Variants in PCDH9 observed in about 807,000 individuals in gnomAD.
The protein encoded by PCDH9 is protocadherin-9.
A neutral mutation model predicts 70.6 loss-of-function variants in PCDH9; 24 were observed. The ratio of observed to expected loss-of-function variants is 0.34; its 90% CI spans 0.25 to 0.48. The LOEUF (loss-of-function observed/expected upper bound fraction) is 0.48. PCDH9 is among the 20% of genes least tolerant of loss of function. The pLI, the probability that PCDH9 is intolerant of heterozygous loss-of-function variation, is 0.99. For missense variants in PCDH9, 1,281 were observed against 1,503.6 expected (o/e 0.85, Z 2.45); for synonymous variants, 562 against 558.5 (o/e 1.01, Z -0.09).
chr13:66,989,130 AACC>A (rs2083950941), intron 2 of PCDH9, among the ~76,000 whole-genome samples: 1 of 151,952 alleles, frequency 6.6e-6, no homozygotes, highest in South Asian at 2.1e-4. Context: ...CTCCATTCCC[AACC>A]ATGGTGAATA....
At chr13:66,952,566 C>A (rs2139705201) in intron 2 of PCDH9, among the ~76,000 whole-genome samples, 1 of 152,190 alleles carries the variant, frequency 6.6e-6, no homozygotes, top group East Asian at 1.9e-4. Flanking sequence ...CAGACAATTG[C>A]AAAGTATTAA....
intron 3 of PCDH9, among the ~76,000 whole-genome samples, chr13:66,789,955 T>C (rs2080138338): frequency 6.6e-6 from 1 of 152,152 alleles, no homozygotes; most frequent in Admixed American, 6.6e-5. Context: ...ACCAATATTG[T>C]TGTCAACCAA....
chr13:67,059,247 T>G (rs1328749428), intron 2 of PCDH9, among the ~76,000 whole-genome samples: 2 of 151,324 alleles, frequency 1.3e-5, no homozygotes, highest in East Asian at 1.9e-4. Flanking sequence ...GCTAGCATTA[T>G]TCTAGATGCT....
chr13:67,127,672 A>ATGTG (rs1312216109), intron 2 of PCDH9, among the ~76,000 whole-genome samples: 21 of 76,922 alleles, frequency 2.7e-4, no homozygotes, highest in African/African-American at 1.0e-3. Context: ...TCATATATAT[A>ATGTG]TATATGTGTG....
intron 2 of PCDH9, chr13:67,222,785 G>A (rs577251910): frequency 6.6e-6 from 1 of 152,112 alleles, no homozygotes; most frequent in East Asian, 1.9e-4. Flanking sequence ...TTATATAAAA[G>A]CCACTAGTTA....
intron 4 of PCDH9, among the ~76,000 whole-genome samples, chr13:66,505,006 C>G (rs1390583597): frequency 6.6e-6 from 1 of 152,122 alleles, no homozygotes; most frequent in Non-Finnish European, 1.5e-5. Context: ...GCTACACATC[C>G]TACACCTTTT....
At chr13:67,040,148 A>T (rs575356881) in intron 2 of PCDH9, among the ~76,000 whole-genome samples, 2 of 152,344 alleles carry the variant, frequency 1.3e-5, no homozygotes, top group African/African-American at 4.8e-5. Context: ...GCTATTTCAT[A>T]ATCAGTGGCC....
chr13:66,684,183 C>A (rs139998261), intron 3 of PCDH9, among the ~76,000 whole-genome samples: 3 of 152,246 alleles, frequency 2.0e-5, no homozygotes, highest in Non-Finnish European at 4.4e-5. Context: ...ACAGTTTAGT[C>A]TAGTTTTATA....
At chr13:67,059,879 T>G (rs1318978296) in intron 2 of PCDH9, among the ~76,000 whole-genome samples, 2 of 40,908 alleles carry the variant, frequency 4.9e-5, no homozygotes, top group Admixed American at 4.9e-4. Context: ...TTTTTTGTTT[T>G]TTGTTGTTTT....
intron 4 of PCDH9, among the ~76,000 whole-genome samples, chr13:66,357,377 G>C (rs2138185747): frequency 6.6e-6 from 1 of 152,172 alleles, no homozygotes; most frequent in Non-Finnish European, 1.5e-5. Context: ...GGTAACATCA[G>C]GGAGAAAATC....
intron 2 of PCDH9, among the ~76,000 whole-genome samples, chr13:67,099,797 C>T (rs939543980): frequency 6.6e-6 from 1 of 152,164 alleles, no homozygotes; most frequent in Non-Finnish European, 1.5e-5. Flanking sequence ...ATAATAACTT[C>T]GAAATAACTT....
Position 67,022,568 on chromosome 13 carries a change from T to C in PCDH9, c.3037-118963A>G, listed in dbSNP as rs527668533. On this transcript the variant is annotated intron_variant, in intron 2 of 4. Transcript: ENST00000377865. ...TTTAGCCAGGAACTATTCAATACTT[T>C]CACAAGTACCTGTTTAACTCAGCCC... is the stretch of plus-strand genomic sequence containing the variant. 2.8e-4 allele frequency among the ~76,000 whole-genome samples: 42 copies of C among 152,348 alleles called. 1 individual carries two copies. The South Asian group carries it at 8.3e-3, about 30-fold the overall frequency.
chr13:66,923,279 T>C (rs2082666218), intron 2 of PCDH9, among the ~76,000 whole-genome samples: 1 of 151,598 alleles, frequency 6.6e-6, no homozygotes, highest in Admixed American at 6.6e-5. Context: ...TAGCTAATTA[T>C]ATGCACCAAA....
At position 66,768,229 on chromosome 13, in the gene PCDH9, T is replaced by C. The variant is rs116198112; in HGVS notation, c.3138+135275A>G. ...TGTGTAGATGTTCCCCCTATGGCAA[T>C]AGTTGATCAAATCAAAGGCATAAAA... On this transcript the variant is annotated intron_variant, in intron 3 of 4. Coordinates refer to ENST00000377865, the MANE Select transcript of PCDH9 (RefSeq NM_203487.3). Among the ~76,000 whole-genome samples, 1,259 of 152,116 alleles carry C rather than the reference T, an allele frequency of 8.3e-3. 17 individuals are homozygous for C. The highest frequency in any genetic ancestry group is 0.028 in the African/African-American group (1,182 of 41,504).
chr13:66,398,718 T>C (rs1361200992), intron 4 of PCDH9, among the ~76,000 whole-genome samples: 2 of 152,220 alleles, frequency 1.3e-5, no homozygotes, highest in Non-Finnish European at 2.9e-5. Context: ...TAATGGCTAA[T>C]AGTTATTAAA....
rs142013316 is a variant in PCDH9 at position 66,879,452 on chromosome 13, A to G, written c.3138+24052T>C. On this transcript the variant is annotated intron_variant, in intron 3 of 4. Coordinates refer to ENST00000377865, the MANE Select transcript of PCDH9 (RefSeq NM_203487.3). ...AATGAGGGAGCCTGGCAGAATAAAT[A>G]TGATTGCTTTCCTTGTAGTCCCCAG... Among the ~76,000 whole-genome samples, 332 of 152,246 alleles carry G rather than the reference A, an allele frequency of 2.2e-3. 1 individual carries two copies. Among genetic ancestry groups the G allele is most frequent in the Middle Eastern group, 6.8e-3 (2 of 294 alleles).
intron 4 of PCDH9, among the ~76,000 whole-genome samples, chr13:66,582,093 A>C (rs558619093): frequency 5.9e-5 from 9 of 152,252 alleles, no homozygotes; most frequent in African/African-American, 2.2e-4. Flanking sequence ...CTAACCTATC[A>C]TAATGAGATA....
chr13:66,713,489 C>A (rs9529123), intron 3 of PCDH9, among the ~76,000 whole-genome samples: 76,708 of 150,040 alleles, frequency 0.51, 19,729 homozygotes, highest in Middle Eastern at 0.56. Flanking sequence ...GAGATGATTA[C>A]CCCTCATTAT....
intron 3 of PCDH9, among the ~76,000 whole-genome samples, chr13:66,779,034 T>C (rs1456791054): frequency 6.6e-6 from 1 of 152,236 alleles, no homozygotes; most frequent in Non-Finnish European, 1.5e-5. Flanking sequence ...TTTCTATTTA[T>C]CTTAGTTTCA....
Sources: allele counts gnomAD v4.1 joint callset (sites outside exome capture counted in the v4.1 genomes callset), GRCh38; gene constraint gnomAD v4.1.1; transcripts MANE v1.5; gene names NCBI Gene and HGNC (gene_info 2026-07-23, HGNC 2026-07-21).